PAX3: variants seen among roughly 807,000 people sequenced by gnomAD.
The protein encoded by PAX3 is paired box protein Pax-3.
PAX3 carries 14 observed loss-of-function variants against 51.6 expected under a neutral mutation model. The ratio of observed to expected loss-of-function variants is 0.27; its 90% CI spans 0.18 to 0.42. The LOEUF (loss-of-function observed/expected upper bound fraction) is 0.42, where lower values mean the gene tolerates loss of function less well. PAX3 is among the 10% of genes least tolerant of loss of function. The probability of loss-of-function intolerance (pLI) is 1.00; values close to 1 mark genes in which losing one functional copy is unlikely to be tolerated. For synonymous variants in PAX3, 280 were observed against 253.4 expected (o/e 1.11, Z -1.00); for missense variants, 540 against 642.8 (o/e 0.84, Z 1.73).
intron 4 of PAX3, among the ~76,000 whole-genome samples, chr2:222,246,614 TAG>T (rs2106118956): frequency 6.6e-6 from 1 of 152,288 alleles, no homozygotes; most frequent in African/African-American, 2.4e-5. Context: ...GATGGATCAA[TAG>T]ATCAATAGAT....
At chr2:222,249,152 T>G (rs1294508992) in intron 4 of PAX3, among the ~76,000 whole-genome samples, 2 of 152,208 alleles carry the variant, frequency 1.3e-5, no homozygotes, top group African/African-American at 4.8e-5. Flanking sequence ...TTACAGTAGA[T>G]AATAAAGCAC....
intron 7 of PAX3, among the ~76,000 whole-genome samples, chr2:222,203,217 C>T (rs1271253368): frequency 6.0e-5 from 9 of 150,470 alleles, no homozygotes; most frequent in Non-Finnish European, 1.2e-4. Context: ...ACTCAAGATC[C>T]CTGACCCTTA....
chr2:222,275,918 G>A (rs1694403746), intron 4 of PAX3, among the ~76,000 whole-genome samples: 1 of 152,132 alleles, frequency 6.6e-6, no homozygotes, highest in Non-Finnish European at 1.5e-5. Flanking sequence ...GCAAACTCTT[G>A]TTTGCCCCAA....
Position 222,295,543 on chromosome 2 carries a change from T to C in PAX3, c.436A>G (p.Asn146Asp), listed in dbSNP as rs1695250749. ...KLLKDAVCDR[N>D]TVPSVSSISR... Reference sequence around the variant, plus strand: ...GGCCTAGTACCTGACGGCACGGTGTTTCGATCACAGACCGCGTCCTTGAGT... The same window carrying C: ...GGCCTAGTACCTGACGGCACGGTGTCTCGATCACAGACCGCGTCCTTGAGT... Residue 146 changes from asparagine (N) to aspartate (D), a missense_variant, in exon 3 of 9, where the codon AAC becomes GAC. By Grantham distance (23) the Asn-to-Asp change is conservative. This residue lies in a region of PAX3 where 427 missense variants were observed against 483.6 expected (regional missense o/e 0.88). Coordinates refer to ENST00000392070, the MANE Select transcript of PAX3 (RefSeq NM_181458.4). 1 of 1,614,214 alleles carries C rather than the reference T, an allele frequency of 6.2e-7. No individual in the cohort carries two copies. The highest frequency in any genetic ancestry group is 8.5e-7 in the Non-Finnish European group (1 of 1,180,030).
chr2:222,232,155 C>G lies in PAX3; in HGVS notation c.715G>C (p.Glu239Gln). 1 of 1,614,054 alleles carries G rather than the reference C, an allele frequency of 6.2e-7. No individual in the cohort carries two copies. Among genetic ancestry groups the G allele is most frequent in the Middle Eastern group, 1.7e-4 (1 of 6,060 alleles). The change falls in exon 5 of 9, where the codon GAG (glutamate) becomes CAG (glutamine). Residue 239 changes from glutamate to glutamine, a missense_variant. By Grantham distance (29) the Glu-to-Gln change is conservative (BLOSUM62 2). Coordinates refer to ENST00000392070, the MANE Select transcript of PAX3 (RefSeq NM_181458.4). Reference sequence around the variant, plus strand: ...TAAATGTCAGGGTAATGAGTTCTCTCAAAAGCACGCTCCAGTTCCTCCAGC... The same window carrying G: ...TAAATGTCAGGGTAATGAGTTCTCTGAAAAGCACGCTCCAGTTCCTCCAGC... ...EQLEELERAF[E>Q]RTHYPDIYTR...
chr2:222,271,818 G>C (rs1402470666), intron 4 of PAX3, among the ~76,000 whole-genome samples: 1 of 152,054 alleles, frequency 6.6e-6, no homozygotes. Flanking sequence ...CCTTCCCATT[G>C]GCAGTTTGAA....
chr2:222,280,316 G>T (rs1694595023), intron 4 of PAX3, among the ~76,000 whole-genome samples: 1 of 129,828 alleles, frequency 7.7e-6, no homozygotes, highest in African/African-American at 2.9e-5. Context: ...AAGGAGGGAG[G>T]AGGGGGAGGG....
chr2:222,205,748 T>C (rs1200476135), intron 7 of PAX3, among the ~76,000 whole-genome samples: 1 of 152,192 alleles, frequency 6.6e-6, no homozygotes, highest in Non-Finnish European at 1.5e-5. Context: ...AGGACATCAA[T>C]AGAAAATGCA....
Position 222,294,201 on chromosome 2 carries a change from G to A in PAX3, c.552C>T (p.Ala184=). The change falls in exon 4 of 9, where the codon GCC becomes GCT. Residue 184 remains alanine (A), a synonymous_variant. Transcript: ENST00000392070. The stretch of plus-strand genomic sequence containing the variant: ...TCAGGATGCCGTCGATGCTGTGTTT[G>A]GCCTTCTTCTCGCTTTCCTCTGCCT... ...RKEAEESEKK[A]KHSIDGILSE... 6.2e-7 allele frequency: 1 copy of A among 1,614,184 alleles called. No individual in the cohort carries two copies. The highest frequency in any genetic ancestry group is 8.5e-7 in the Non-Finnish European group (1 of 1,180,036).
rs1346620351 is a variant in PAX3 at position 222,296,961 on chromosome 2, A to G, written c.321+17T>C. On this transcript the variant is annotated intron_variant, in intron 2 of 8. Transcript: ENST00000392070. ...ACCACAGTCTGGGAGCCAGGAGGGC[A>G]AGGCCCGCCCGCTCACCTTGGGCTT... 1 of 1,601,814 alleles carries G rather than the reference A, an allele frequency of 6.2e-7. No individual in the cohort carries two copies. The highest frequency in any genetic ancestry group is 8.5e-7 in the Non-Finnish European group (1 of 1,172,624).
At chr2:222,207,393 G>A (rs1295275890) in intron 7 of PAX3, among the ~76,000 whole-genome samples, 1 of 152,186 alleles carries the variant, frequency 6.6e-6, no homozygotes, top group Non-Finnish European at 1.5e-5. Flanking sequence ...CTTAAGGTAT[G>A]TGTGGTGACC....
chr2:222,284,201 C>T (rs1237761065), intron 4 of PAX3, among the ~76,000 whole-genome samples: 1 of 152,212 alleles, frequency 6.6e-6, no homozygotes, highest in Non-Finnish European at 1.5e-5. Context: ...CCTTTAAGAA[C>T]AATGAAGCAG....
chr2:222,291,797 C>A (rs1018546807), intron 4 of PAX3, among the ~76,000 whole-genome samples: 2 of 152,182 alleles, frequency 1.3e-5, no homozygotes, highest in African/African-American at 4.8e-5. Context: ...GATGCCCGAA[C>A]AACAGAAAGG....
chr2:222,291,714 C>A (rs1441788164), intron 4 of PAX3, among the ~76,000 whole-genome samples: 1 of 152,174 alleles, frequency 6.6e-6, no homozygotes, highest in Non-Finnish European at 1.5e-5. Flanking sequence ...CTTTCTTCTC[C>A]CCCTCTGCCA....
rs1695432861 is a variant in PAX3 at position 222,298,548 on chromosome 2, C to T, written c.68G>A (p.Ser23Asn). 1 of 1,605,638 alleles carries T rather than the reference C, an allele frequency of 6.2e-7. No homozygotes were observed. Among genetic ancestry groups the T allele is most frequent in the Non-Finnish European group, 8.5e-7 (1 of 1,176,632 alleles). ...RPGPGQNYPR[S>N]GFPLEVSTPL... is the part of the protein sequence containing the mutation. ...TCCCTTACCTTCCAGCGGGAACCCG[C>T]TACGCGGGTAGTTCTGCCCCGGGCC... is the stretch of plus-strand genomic sequence containing the variant. Residue 23 changes from serine (S) to asparagine (N), a missense_variant, in exon 1 of 9, where the codon AGC becomes AAC. Physicochemically the swap from Ser to Asn is conservative, Grantham distance 46. Transcript: ENST00000392070.
rs1325753739 is a variant in PAX3 at position 222,201,021 on chromosome 2, G to A, written c.*387C>T. ...ACAGTCTGCTTGCCCAAACCAGTCT[G>A]GGTAAATCTCAATACACACACACAC... On this transcript the variant is annotated 3_prime_UTR_variant, in exon 9 of 9. Coordinates refer to ENST00000392070, the MANE Select transcript of PAX3 (RefSeq NM_181458.4). The A allele has an allele frequency of 2.2e-5, 17 of 785,026 alleles. 1 individual carries two copies. In the East Asian group the frequency reaches 4.6e-4, roughly 21 times the overall value. The allele number at this position is 785,026 out of a possible 1,614,324, so 48.6% of individuals were successfully genotyped here.
chr2:222,291,442 C>G (rs1695035195), intron 4 of PAX3, among the ~76,000 whole-genome samples: 1 of 152,204 alleles, frequency 6.6e-6, no homozygotes, highest in Non-Finnish European at 1.5e-5. Flanking sequence ...AGCGGCTCAG[C>G]TCTTGAATTG....
chr2:222,231,446 A>T (rs150643275), intron 5 of PAX3, among the ~76,000 whole-genome samples: 1 of 152,256 alleles, frequency 6.6e-6, no homozygotes, highest in Non-Finnish European at 1.5e-5. Context: ...AGCACCTCTA[A>T]GAGTTCAAAA....
At chr2:222,225,955 T>C (rs912952063) in intron 5 of PAX3, among the ~76,000 whole-genome samples, 1 of 152,208 alleles carries the variant, frequency 6.6e-6, no homozygotes, top group African/African-American at 2.4e-5. Flanking sequence ...CCGGTTTGAC[T>C]TGAATGGAGG....
Sources: allele counts gnomAD v4.1 joint callset (sites outside exome capture counted in the v4.1 genomes callset), GRCh38; gene constraint gnomAD v4.1.1; regional missense constraint gnomAD v4.1.1; transcripts MANE v1.5; gene names NCBI Gene and HGNC (gene_info 2026-07-23, HGNC 2026-07-21).